The following ME3 variants were observed in gnomAD, a reference collection of about 807,000 sequenced individuals.
The protein encoded by ME3 is NADP-dependent malic enzyme, mitochondrial.
Under a neutral mutation model 68.9 loss-of-function variants are expected in ME3, and 48 were observed. The observed-to-expected ratio is 0.70, with a 90% CI of 0.55 to 0.89. The LOEUF (loss-of-function observed/expected upper bound fraction) is 0.89, where lower values mean the gene tolerates loss of function less well. ME3 is among the 40% of genes least tolerant of loss of function. The pLI, the probability that ME3 is intolerant of heterozygous loss-of-function variation, is 0.00. For synonymous variants in ME3, 320 were observed against 318.8 expected (o/e 1.00, Z -0.04); for missense variants, 675 against 797.4 (o/e 0.85, Z 1.85).
chr11:86,441,873 A>G (rs991079031), intron 14 of ME3, among the ~76,000 whole-genome samples: 4 of 152,128 alleles, frequency 2.6e-5, no homozygotes, highest in African/African-American at 9.7e-5. Context: ...AACAGCCTGG[A>G]CACTGTTCTC....
intron 8 of ME3, among the ~76,000 whole-genome samples, chr11:86,461,351 TAGTG>T (rs958351101): frequency 9.9e-5 from 15 of 152,240 alleles, no homozygotes; most frequent in Admixed American, 5.2e-4. Flanking sequence ...ACTTGTAAGA[TAGTG>T]AGGATGAAAA....
At chr11:86,484,514 G>C (rs953112094) in intron 7 of ME3, among the ~76,000 whole-genome samples, 1 of 152,120 alleles carries the variant, frequency 6.6e-6, no homozygotes, top group Admixed American at 6.5e-5. Context: ...CCTCCCCAAG[G>C]ATCCCGCCCC....
At chr11:86,572,275 A>T (rs889842865) in intron 2 of ME3, among the ~76,000 whole-genome samples, 29 of 148,652 alleles carry the variant, frequency 2.0e-4, no homozygotes, top group Middle Eastern at 3.5e-3. Context: ...ACTAAAGGGA[A>T]TTTTTTTTTT....
intron 5 of ME3, among the ~76,000 whole-genome samples, chr11:86,500,908 G>T (rs1261680702): frequency 1.3e-5 from 2 of 151,968 alleles, no homozygotes; most frequent in Non-Finnish European, 2.9e-5. Context: ...CTGCTTGCCT[G>T]CCTTTCACAA....
At chr11:86,503,285 C>T (rs1952846200) in intron 5 of ME3, among the ~76,000 whole-genome samples, 1 of 152,184 alleles carries the variant, frequency 6.6e-6, no homozygotes, top group South Asian at 2.1e-4. Context: ...TGATGTGCTG[C>T]CCAGATCCTC....
intron 2 of ME3, among the ~76,000 whole-genome samples, chr11:86,640,923 C>T (rs1594756223): frequency 1.3e-5 from 2 of 152,046 alleles, no homozygotes; most frequent in East Asian, 1.9e-4. Context: ...TCCCCATCTC[C>T]CCAGAGGGAA....
At chr11:86,605,844 A>C (rs1390445365) in intron 2 of ME3, among the ~76,000 whole-genome samples, 1 of 151,878 alleles carries the variant, frequency 6.6e-6, no homozygotes, top group African/African-American at 2.4e-5. Flanking sequence ...TCCAAACACC[A>C]GTTTTTTTTC....
At chr11:86,466,884 G>A (rs774717606) in intron 7 of ME3, among the ~76,000 whole-genome samples, 1 of 152,160 alleles carries the variant, frequency 6.6e-6, no homozygotes, top group Non-Finnish European at 1.5e-5. Context: ...ACATTCAACT[G>A]AGTTACCTGC....
intron 7 of ME3, among the ~76,000 whole-genome samples, chr11:86,472,851 G>C (rs949346336): frequency 3.3e-5 from 5 of 152,238 alleles, no homozygotes; most frequent in Non-Finnish European, 7.3e-5. Context: ...AAGGGCCGAG[G>C]ATGGAGGGTG....
chr11:86,473,917 A>G (rs1392303239), intron 7 of ME3, among the ~76,000 whole-genome samples: 1 of 152,218 alleles, frequency 6.6e-6, no homozygotes, highest in Non-Finnish European at 1.5e-5. Context: ...TTGATTTTGT[A>G]TGGCTTTGAG....
chr11:86,657,976 A>G (rs1946018003), intron 2 of ME3, among the ~76,000 whole-genome samples: 1 of 152,192 alleles, frequency 6.6e-6, no homozygotes, highest in Admixed American at 6.5e-5. Context: ...GGATAATGTA[A>G]GATGAATAGC....
At chr11:86,589,450 A>G (rs1945034) in intron 2 of ME3, among the ~76,000 whole-genome samples, 43,328 of 152,098 alleles carry the variant, frequency 0.28, 6,443 homozygotes, top group East Asian at 0.53. Context: ...GGAGATAGCA[A>G]TCAAGGACAT....
At chr11:86,515,024 G>A (rs1953794866) in intron 4 of ME3, among the ~76,000 whole-genome samples, 1 of 152,204 alleles carries the variant, frequency 6.6e-6, no homozygotes, top group Non-Finnish European at 1.5e-5. Context: ...TTTGTCAGGA[G>A]CCATGATGAA....
At chr11:86,554,856 G>A (rs1449636655) in intron 4 of ME3, among the ~76,000 whole-genome samples, 1 of 152,182 alleles carries the variant, frequency 6.6e-6, no homozygotes, top group African/African-American at 2.4e-5. Flanking sequence ...GACCCTTCAA[G>A]AAGTTTGTAT....
At chr11:86,453,113 C>T (rs1019957925) in intron 8 of ME3, among the ~76,000 whole-genome samples, 1 of 152,132 alleles carries the variant, frequency 6.6e-6, no homozygotes, top group South Asian at 2.1e-4. Flanking sequence ...ATTCTCCTGG[C>T]TCAGCCTCCT....
Position 86,446,493 on chromosome 11 carries a change from G to T in ME3, c.1381-6C>A. 3.1e-6 allele frequency: 5 copies of T among 1,614,096 alleles called. No individual in the cohort carries two copies. The highest frequency in any genetic ancestry group is 4.2e-6 in the Non-Finnish European group (5 of 1,179,954). ...CTGGCAAAAATCCCTCGGCCCTGGA[G>T]GCAGGAAGAAAACCAGAGATGAACT... is the stretch of plus-strand genomic sequence containing the variant. On this transcript the variant is annotated splice_polypyrimidine_tract_variant and splice_region_variant and intron_variant, in intron 12 of 14. Transcript: ENST00000543262.
intron 4 of ME3, among the ~76,000 whole-genome samples, chr11:86,527,527 G>C (rs1474879968): frequency 6.6e-6 from 1 of 152,166 alleles, no homozygotes; most frequent in Non-Finnish European, 1.5e-5. Flanking sequence ...TAATCCTTGA[G>C]AAGAGCAACT....
intron 2 of ME3, among the ~76,000 whole-genome samples, chr11:86,635,943 G>A (rs1046054164): frequency 6.6e-6 from 1 of 152,186 alleles, no homozygotes; most frequent in African/African-American, 2.4e-5. Flanking sequence ...CTTTTGGCTT[G>A]ATAATTTCTT....
At chr11:86,635,115 G>A (rs1264634263) in intron 2 of ME3, among the ~76,000 whole-genome samples, 1 of 152,146 alleles carries the variant, frequency 6.6e-6, no homozygotes, top group East Asian at 1.9e-4. Flanking sequence ...GACCAGCCTG[G>A]GCAACATGAT....
Sources: allele counts gnomAD v4.1 joint callset (sites outside exome capture counted in the v4.1 genomes callset), GRCh38; gene constraint gnomAD v4.1.1; transcripts MANE v1.5; gene names NCBI Gene and HGNC (gene_info 2026-07-23, HGNC 2026-07-21).